Variants in TACR1 observed in about 807,000 individuals in gnomAD.
The protein encoded by TACR1 is tachykinin receptor 1, also known as substance-P receptor.
In TACR1, 25 loss-of-function variants were observed where a neutral mutation model predicts 35.8. That is an observed-to-expected ratio of 0.70 (90% confidence interval 0.51 to 0.98). The LOEUF (loss-of-function observed/expected upper bound fraction) is 0.98, where lower values mean the gene tolerates loss of function less well. TACR1 is among the 50% of genes least tolerant of loss of function. The pLI, the probability that TACR1 is intolerant of heterozygous loss-of-function variation, is 0.00. For synonymous variants in TACR1, 195 were observed against 206.7 expected (o/e 0.94, Z 0.48); for missense variants, 478 against 522.9 (o/e 0.91, Z 0.84).
chr2:75,188,351 TCTC>T (rs1446353762), intron 1 of TACR1: 1 of 152,208 alleles, frequency 6.6e-6, no homozygotes, highest in East Asian at 1.9e-4. Flanking sequence ...ATGCTCCTAA[TCTC>T]CTCACGTGCC....
chr2:75,186,601 A>G (rs576084607), intron 1 of TACR1, among the ~76,000 whole-genome samples: 60 of 151,954 alleles, frequency 3.9e-4, no homozygotes, highest in African/African-American at 1.4e-3. Context: ...TCAGAAAAAC[A>G]TTGGAGTTGT....
At chr2:75,097,099 CT>C (rs1256985272) in intron 2 of TACR1, among the ~76,000 whole-genome samples, 1 of 152,224 alleles carries the variant, frequency 6.6e-6, no homozygotes, top group East Asian at 1.9e-4. Context: ...ACATGCACTT[CT>C]GAGAGACTAG....
rs367930827 is a variant in TACR1 at position 75,158,225 on chromosome 2, T to C, written c.390-37457A>G. Among the ~76,000 whole-genome samples the C allele has an allele frequency of 1.4e-4, 22 of 152,314 alleles. No homozygotes were observed. The South Asian group carries it at 1.4e-3, about 10-fold the overall frequency. On this transcript the variant is annotated intron_variant, in intron 1 of 4. Transcript: ENST00000305249. ...TCTTCCTATGGACGAAGATCGAGCA[T>C]TTATCGGAAAAGCATTACTCTAGGC...
chr2:75,057,752 G>A (rs1165632767), intron 2 of TACR1, among the ~76,000 whole-genome samples: 2 of 152,142 alleles, frequency 1.3e-5, no homozygotes, highest in Admixed American at 1.3e-4. Context: ...GTTTAAGGGT[G>A]GGTGGGTAGA....
intron 2 of TACR1, among the ~76,000 whole-genome samples, chr2:75,096,604 A>G (rs1266502177): frequency 6.6e-6 from 1 of 152,208 alleles, no homozygotes; most frequent in Non-Finnish European, 1.5e-5. Context: ...ACTTTGGTAC[A>G]TATTTAGAGC....
In TACR1 at chr2:75,111,669, A is replaced by G. The variant is rs1435932730; in HGVS notation, c.584+8905T>C. On this transcript the variant is annotated intron_variant, in intron 2 of 4. Coordinates refer to ENST00000305249, the MANE Select transcript of TACR1 (RefSeq NM_001058.4). ...AGAATGCTTGCAATACTGATGGGAA[A>G]GGATATCCAAGATTGTTAACAGAAA... Among the ~76,000 whole-genome samples, 7 of 152,028 alleles carry G rather than the reference A, an allele frequency of 4.6e-5. 1 individual carries two copies. Among genetic ancestry groups the G allele is most frequent in the Admixed American group, 4.6e-4 (7 of 15,272 alleles).
intron 2 of TACR1, among the ~76,000 whole-genome samples, chr2:75,098,479 A>G (rs1459679130): frequency 6.6e-6 from 1 of 152,182 alleles, no homozygotes; most frequent in African/African-American, 2.4e-5. Context: ...TCCCAGAAAT[A>G]TTTCTTGGAG....
intron 1 of TACR1, among the ~76,000 whole-genome samples, chr2:75,146,514 A>T (rs56185150): frequency 0.075 from 11,452 of 152,232 alleles, 891 homozygotes; most frequent in African/African-American, 0.2. Flanking sequence ...CAAGATAAGG[A>T]TGAAGAAGAG....
chr2:75,132,689 A>G (rs1398684079), intron 1 of TACR1, among the ~76,000 whole-genome samples: 2 of 151,968 alleles, frequency 1.3e-5, no homozygotes, highest in Non-Finnish European at 2.9e-5. Flanking sequence ...TTTATCTTTG[A>G]GGATTTGTTG....
At chr2:75,059,751 G>T (rs1486188115) in intron 2 of TACR1, among the ~76,000 whole-genome samples, 2 of 152,212 alleles carry the variant, frequency 1.3e-5, no homozygotes, top group African/African-American at 4.8e-5. Context: ...GTTCCCCAGA[G>T]CCCCCTTTGC....
At chr2:75,156,618 A>AAG (rs1553381367) in intron 1 of TACR1, among the ~76,000 whole-genome samples, 1 of 150,972 alleles carries the variant, frequency 6.6e-6, no homozygotes, top group Non-Finnish European at 1.5e-5. Context: ...AAAAAAAAAA[A>AAG]AAAGAAAGAA....
chr2:75,165,433 C>T (rs1321843088), intron 1 of TACR1, among the ~76,000 whole-genome samples: 4 of 150,318 alleles, frequency 2.7e-5, no homozygotes, highest in Non-Finnish European at 5.9e-5. Flanking sequence ...CTCAGCCTCC[C>T]GAGTAGCTGG....
chr2:75,112,393 G>A (rs1443437670), intron 2 of TACR1, among the ~76,000 whole-genome samples: 1 of 151,628 alleles, frequency 6.6e-6, no homozygotes, highest in Non-Finnish European at 1.5e-5. Flanking sequence ...CTGCCTAAAC[G>A]TACTCTTAGG....
intron 2 of TACR1, among the ~76,000 whole-genome samples, chr2:75,059,942 G>A (rs1394962066): frequency 6.6e-6 from 1 of 152,194 alleles, no homozygotes; most frequent in Admixed American, 6.5e-5. Context: ...GTAAAAGAAA[G>A]CAATACTCAT....
At chr2:75,093,855 G>T (rs1572926102) in intron 2 of TACR1, among the ~76,000 whole-genome samples, 1 of 152,122 alleles carries the variant, frequency 6.6e-6, no homozygotes, top group Non-Finnish European at 1.5e-5. Context: ...ACAAAGCTGA[G>T]TGTTTTTGCC....
chr2:75,049,732 C>G lies in TACR1; in HGVS notation c.933-9G>C. The stretch of plus-strand genomic sequence containing the variant: ...TGAAGCCCAGACGGAACCTGGAGAG[C>G]GAGCAGATGAAGAGGTGACCCTTTG... On this transcript the variant is annotated splice_polypyrimidine_tract_variant and intron_variant, in intron 4 of 4. Coordinates refer to ENST00000305249, the MANE Select transcript of TACR1 (RefSeq NM_001058.4). 3.1e-6 allele frequency: 5 copies of G among 1,609,096 alleles called. No homozygotes were observed. The highest frequency in any genetic ancestry group is 2.2e-5 in the South Asian group (2 of 90,452).
chr2:75,102,609 A>G (rs1673560408), intron 2 of TACR1, among the ~76,000 whole-genome samples: 1 of 152,176 alleles, frequency 6.6e-6, no homozygotes, highest in Non-Finnish European at 1.5e-5. Flanking sequence ...TTATCCACAA[A>G]AGAAGATATC....
At chr2:75,088,854 C>T (rs1673239024) in intron 2 of TACR1, among the ~76,000 whole-genome samples, 1 of 152,164 alleles carries the variant, frequency 6.6e-6, no homozygotes, top group Non-Finnish European at 1.5e-5. Flanking sequence ...ATTTCCTTCT[C>T]TCTAATTTCA....
intron 1 of TACR1, among the ~76,000 whole-genome samples, chr2:75,158,677 A>G (rs960164639): frequency 6.6e-6 from 1 of 152,238 alleles, no homozygotes; most frequent in African/African-American, 2.4e-5. Context: ...TGTTTGCAAC[A>G]TAATCTAATT....
Sources: allele counts gnomAD v4.1 joint callset (sites outside exome capture counted in the v4.1 genomes callset), GRCh38; gene constraint gnomAD v4.1.1; transcripts MANE v1.5; gene names NCBI Gene and HGNC (gene_info 2026-07-23, HGNC 2026-07-21).